VIT: variants seen among roughly 807,000 people sequenced by gnomAD.
VIT encodes the protein vitrin.
A neutral mutation model predicts 78.0 loss-of-function variants in VIT; 99 were observed. The observed-to-expected ratio is 1.27, with a 90% CI of 1.08 to 1.50. VIT has a LOEUF of 1.50. Ranked by LOEUF, VIT falls within the 40% of genes most tolerant of loss-of-function variation. The pLI is 0.00. For missense variants in VIT, 1,126 were observed against 875.3 expected (o/e 1.29, Z -3.61); for synonymous variants, 374 against 334.3 (o/e 1.12, Z -1.29).
intron 2 of VIT, among the ~76,000 whole-genome samples, chr2:36,717,663 G>A (rs1666252287): frequency 6.6e-6 from 1 of 152,164 alleles, no homozygotes; most frequent in South Asian, 2.1e-4. Flanking sequence ...CCAAGCCCAA[G>A]GGTAATCTTC....
intron 8 of VIT, 140 bp downstream of exon 8, chr2:36,773,987 A>G (rs1421692175): frequency 2.7e-6 from 2 of 730,586 alleles, no homozygotes; most frequent in African/African-American, 1.8e-5. Flanking sequence ...ATGCCACTCA[A>G]GGGCCCAACT....
chr2:36,794,962 G>T (rs1472798893), intron 12 of VIT, among the ~76,000 whole-genome samples: 1 of 152,130 alleles, frequency 6.6e-6, no homozygotes, highest in African/African-American at 2.4e-5. Flanking sequence ...AGCAAGGGGT[G>T]GTCAGTGTGG....
intron 1 of VIT, among the ~76,000 whole-genome samples, chr2:36,701,689 C>T (rs1341214521): frequency 6.6e-6 from 1 of 152,158 alleles, no homozygotes; most frequent in Non-Finnish European, 1.5e-5. Context: ...GTCACTGGCA[C>T]CTTAATGCTA....
intron 11 of VIT, among the ~76,000 whole-genome samples, chr2:36,783,710 A>G (rs1358891889): frequency 6.6e-6 from 1 of 152,200 alleles, no homozygotes; most frequent in African/African-American, 2.4e-5. Context: ...GCAATGGTCT[A>G]CTGCAAATGA....
intron 3 of VIT, among the ~76,000 whole-genome samples, chr2:36,730,377 C>A (rs1342987258): frequency 1.3e-5 from 2 of 152,094 alleles, no homozygotes; most frequent in Non-Finnish European, 2.9e-5. Flanking sequence ...CTGGTCTTGG[C>A]TTTTATGGAA....
intron 6 of VIT, among the ~76,000 whole-genome samples, chr2:36,766,564 C>T (rs916988135): frequency 2.6e-5 from 4 of 152,066 alleles, no homozygotes; most frequent in African/African-American, 9.7e-5. Flanking sequence ...CTGGATCATC[C>T]TTGCCATCCA....
chr2:36,792,870 CT>C lies in VIT; in HGVS notation c.1058+5596del, dbSNP rs201492191. On this transcript the variant is annotated intron_variant, in intron 12 of 15. Transcript: ENST00000379242. ...TTCTCTAGACTTCTTATTTATTTTCCTTCTTTCATCTTATCACTGGAAGCCC... is the reference window on the plus strand; with the variant it reads ...TTCTCTAGACTTCTTATTTATTTTCCTCTTTCATCTTATCACTGGAAGCCC... 4.4e-3 allele frequency among the ~76,000 whole-genome samples: 665 copies of C among 152,180 alleles called. 9 individuals are homozygous for C. Among genetic ancestry groups the C allele is most frequent in the African/African-American group, 0.016 (646 of 41,510 alleles).
At chr2:36,708,770 G>A (rs919287495) in intron 1 of VIT, among the ~76,000 whole-genome samples, 1 of 152,106 alleles carries the variant, frequency 6.6e-6, no homozygotes, top group Non-Finnish European at 1.5e-5. Flanking sequence ...AGGCGTATGT[G>A]CCCATCCACC....
At chr2:36,749,119 C>G (rs1048102077) in intron 4 of VIT, among the ~76,000 whole-genome samples, 3 of 152,184 alleles carry the variant, frequency 2.0e-5, no homozygotes, top group Non-Finnish European at 2.9e-5. Context: ...GAATTGTACT[C>G]TTTCATGTTC....
At chr2:36,789,827 A>G (rs1665362663) in intron 12 of VIT, among the ~76,000 whole-genome samples, 1 of 152,120 alleles carries the variant, frequency 6.6e-6, no homozygotes, top group Non-Finnish European at 1.5e-5. Flanking sequence ...AGGCCCTACA[A>G]ACAAATGACC....
chr2:36,768,427 G>A (rs758263498), intron 7 of VIT, among the ~76,000 whole-genome samples: 1 of 152,118 alleles, frequency 6.6e-6, no homozygotes, highest in African/African-American at 2.4e-5. Flanking sequence ...AAGAGACTCC[G>A]TTTCAATAAA....
chr2:36,757,477 G>A (rs557217933), intron 5 of VIT, among the ~76,000 whole-genome samples: 8 of 151,806 alleles, frequency 5.3e-5, no homozygotes, highest in East Asian at 3.9e-4. Context: ...AAAAAATCAC[G>A]TTTTAGATCA....
At chr2:36,732,807 AAAG>A (rs1342586607) in intron 3 of VIT, among the ~76,000 whole-genome samples, 1 of 152,182 alleles carries the variant, frequency 6.6e-6, no homozygotes, top group Non-Finnish European at 1.5e-5. Context: ...AGAGTTAGGA[AAAG>A]AAGCTGTGTA....
chr2:36,798,480 C>G (rs6544040), intron 12 of VIT, among the ~76,000 whole-genome samples: 106,702 of 151,318 alleles, frequency 0.71, 37,952 homozygotes, highest in Admixed American at 0.82. Context: ...AACCCAGCCA[C>G]GTACAGTGGC....
At chr2:36,725,411 T>C (rs757560378) in intron 2 of VIT, among the ~76,000 whole-genome samples, 2 of 152,134 alleles carry the variant, frequency 1.3e-5, no homozygotes, top group Non-Finnish European at 2.9e-5. Flanking sequence ...TCCTGGTTCC[T>C]AGAGAGGCAT....
intron 6 of VIT, chr2:36,759,457 A>T (rs527939101): frequency 1.6e-6 from 2 of 1,218,188 alleles, no homozygotes; most frequent in Admixed American, 4.0e-5. Context: ...TGATAACAGC[A>T]AGCTGCTCAT....
intron 1 of VIT, among the ~76,000 whole-genome samples, chr2:36,698,040 T>C (rs573882861): frequency 6.6e-6 from 1 of 152,322 alleles, no homozygotes; most frequent in South Asian, 2.1e-4. Flanking sequence ...CTGCAAGTGG[T>C]AGCTAGTGCT....
chr2:36,762,120 G>C (rs1485819490), intron 6 of VIT, among the ~76,000 whole-genome samples: 1 of 152,194 alleles, frequency 6.6e-6, no homozygotes, highest in African/African-American at 2.4e-5. Flanking sequence ...CCGCAGCAGA[G>C]ACAATTTCTA....
intron 2 of VIT, among the ~76,000 whole-genome samples, chr2:36,717,395 T>A (rs1666230524): frequency 1.1e-5 from 1 of 88,598 alleles, no homozygotes; most frequent in African/African-American, 4.0e-5. Flanking sequence ...TGTGTGTGTG[T>A]TTAGTAGAGA....
Sources: allele counts gnomAD v4.1 joint callset (sites outside exome capture counted in the v4.1 genomes callset), GRCh38; gene constraint gnomAD v4.1.1; transcripts MANE v1.5; gene names NCBI Gene and HGNC (gene_info 2026-07-23, HGNC 2026-07-21).